STK40: variants seen among roughly 807,000 people sequenced by gnomAD.
STK40 encodes the protein serine/threonine-protein kinase 40.
A neutral mutation model predicts 47.9 loss-of-function variants in STK40; 13 were observed. The observed-to-expected ratio is 0.27, with a 90% CI of 0.18 to 0.43. The LOEUF is 0.43. STK40 is among the 20% of genes least tolerant of loss of function. The probability of loss-of-function intolerance (pLI) is 1.00; values close to 1 mark genes in which losing one functional copy is unlikely to be tolerated. For synonymous variants in STK40, 225 were observed against 243.2 expected, an observed-to-expected ratio of 0.93 and a Z score of 0.69; for missense variants, 460 against 595.1, an observed-to-expected ratio of 0.77 and a Z score of 2.36.
intron 5 of STK40, among the ~76,000 whole-genome samples, chr1:36,354,725 T>C (rs573693383): frequency 3.9e-5 from 6 of 152,230 alleles, no homozygotes; most frequent in Non-Finnish European, 7.4e-5. Context: ...AGACATTCCA[T>C]GGACAGGATG....
chr1:36,379,483 G>T (rs955489695), intron 1 of STK40, among the ~76,000 whole-genome samples: 1 of 150,076 alleles, frequency 6.7e-6, no homozygotes, highest in Non-Finnish European at 1.5e-5. Flanking sequence ...CTGGGTTCAC[G>T]CCATTCCCTG....
chr1:36,358,428 T>TTA (rs752236382), intron 3 of STK40, 46 bp from the exon 4 acceptor site: 7 of 1,566,810 alleles, frequency 4.5e-6, no homozygotes, highest in Non-Finnish European at 6.1e-6. Context: ...ACACCTCACT[T>TTA]TACACAGCAG....
At chr1:36,385,267 G>C (rs1297540669) in intron 1 of STK40, among the ~76,000 whole-genome samples, 2 of 152,238 alleles carry the variant, frequency 1.3e-5, no homozygotes, top group African/African-American at 4.8e-5. Flanking sequence ...TTCCCCAGCA[G>C]CGGTAGCGCC....
At chr1:36,371,025 T>A (rs1557521294) in intron 1 of STK40, among the ~76,000 whole-genome samples, 1 of 151,790 alleles carries the variant, frequency 6.6e-6, no homozygotes, top group Non-Finnish European at 1.5e-5. Flanking sequence ...TACACGTGCA[T>A]GCCACCATGC....
At chr1:36,345,985 A>ATTTTTTTTTTTTTTTTTTT (rs1383008702) in intron 7 of STK40, among the ~76,000 whole-genome samples, 1 of 9,808 alleles carries the variant, frequency 1.0e-4, no homozygotes, top group Non-Finnish European at 3.6e-4. Context: ...ATATATATAT[A>ATTTTTTTTTTTTTTTTTTT]TATATATTTT....
chr1:36,384,857 A>C (rs1647072044), intron 1 of STK40, among the ~76,000 whole-genome samples: 1 of 152,144 alleles, frequency 6.6e-6, no homozygotes, highest in Admixed American at 6.5e-5. Flanking sequence ...TCTCACGCAA[A>C]ACTACTCAAA....
chr1:36,357,121 G>A (rs1005464301), intron 4 of STK40, among the ~76,000 whole-genome samples: 11 of 152,214 alleles, frequency 7.2e-5, no homozygotes, highest in Non-Finnish European at 1.5e-4. Flanking sequence ...TGTTCCAGCA[G>A]CAGCTCAGTG....
rs754907463 is a variant in STK40, at chr1:36,343,376, A to G, written c.1077T>C (p.Asp359=). 2.5e-6 allele frequency: 4 copies of G among 1,612,936 alleles called. No homozygotes were observed. The Admixed American group carries it at 5.0e-5, about 20-fold the overall frequency. ...CTCCCCAACTCACCTCCTGGGAGCT[A>G]TCCGCATTGCTCATTTGGTCATCAA... ...PDIDDQMSNA[D]SSQEAKVTEE... is the part of the protein sequence containing the mutation. The change falls in exon 10 of 11, where the codon GAT becomes GAC. Residue 359 remains aspartate, a synonymous_variant. Transcript: ENST00000373132.
chr1:36,367,111 G>A (rs1646909598), intron 1 of STK40, among the ~76,000 whole-genome samples: 2 of 151,288 alleles, frequency 1.3e-5, no homozygotes, highest in Admixed American at 6.6e-5. Context: ...GCCTCCCAAA[G>A]TGCTGGGATT....
Position 36,373,328 on chromosome 1 carries a change from A to G in STK40, c.-8-11988T>C, listed in dbSNP as rs529491487. Among the ~76,000 whole-genome samples, 3 of 152,030 alleles carry G rather than the reference A, an allele frequency of 2.0e-5. No individual in the cohort carries two copies. In the South Asian group the frequency reaches 6.2e-4, roughly 32 times the overall value. On this transcript the variant is annotated intron_variant, in intron 1 of 10. Transcript: ENST00000373132. ...TTTTTTTCATTATCATTTGATGGGC[A>G]CCCACCGCTTGCCAGAAACCATTCC...
At chr1:36,380,696 G>T (rs1444024000) in intron 1 of STK40, among the ~76,000 whole-genome samples, 1 of 152,206 alleles carries the variant, frequency 6.6e-6, no homozygotes, top group Non-Finnish European at 1.5e-5. Context: ...CTATTGGAAG[G>T]CTGAAGATTT....
At chr1:36,357,593 C>G (rs1337248674) in intron 4 of STK40, among the ~76,000 whole-genome samples, 2 of 148,492 alleles carry the variant, frequency 1.3e-5, no homozygotes, top group Non-Finnish European at 3.0e-5. Context: ...GTAAATGTCT[C>G]AAAAAAAAAA....
In STK40 at chr1:36,341,186, T is replaced by C. The variant is rs1268730333; in HGVS notation, c.*569A>G. ...CACCTAGAGATGGGAGAGAAGTTGGTATGGTAAAAAAATAAATATATTTGA... is the reference window on the plus strand; with the variant it reads ...CACCTAGAGATGGGAGAGAAGTTGGCATGGTAAAAAAATAAATATATTTGA... On this transcript the variant is annotated 3_prime_UTR_variant, in exon 11 of 11. Transcript: ENST00000373132. The C allele has an allele frequency of 1.3e-5, 2 of 152,810 alleles. No homozygotes were observed. The highest frequency in any genetic ancestry group is 4.8e-5 in the African/African-American group (2 of 41,268). The allele number at this position is 152,810 out of a possible 1,614,324, so 9.5% of individuals were successfully genotyped here. A position where few individuals can be genotyped will look rare whatever the true frequency, so the allele number is the denominator to read the frequency against.
intron 1 of STK40, among the ~76,000 whole-genome samples, chr1:36,368,982 C>T (rs572622705): frequency 1.3e-5 from 2 of 152,306 alleles, no homozygotes; most frequent in African/African-American, 4.8e-5. Flanking sequence ...ATCCAGCCTG[C>T]TCGAATAGCT....
chr1:36,379,219 C>T (rs963212409), intron 1 of STK40, among the ~76,000 whole-genome samples: 4 of 152,140 alleles, frequency 2.6e-5, no homozygotes, highest in Admixed American at 6.5e-5. Context: ...TTAGAGGGGA[C>T]AGCTTTATTC....
At chr1:36,355,522 T>G (rs1483685310) in intron 4 of STK40, 89 bp from the exon 5 acceptor site, 1 of 1,367,758 alleles carries the variant, frequency 7.3e-7, no homozygotes, top group East Asian at 2.3e-5. Flanking sequence ...AGTGGGACAC[T>G]CAAACCAGTG....
intron 5 of STK40, 106 bp from the exon 6 acceptor site, chr1:36,354,522 T>G (rs958907621): frequency 4.1e-5 from 46 of 1,135,770 alleles, no homozygotes; most frequent in Non-Finnish European, 3.6e-5. Context: ...GCAGGAAAAA[T>G]TCTATGATGT....
intron 1 of STK40, among the ~76,000 whole-genome samples, chr1:36,370,354 C>T (rs1646934818): frequency 6.6e-6 from 1 of 152,206 alleles, no homozygotes; most frequent in South Asian, 2.1e-4. Flanking sequence ...CTGGCCTGTC[C>T]CTTCACACTG....
intron 3 of STK40, 36 bp downstream of exon 3, chr1:36,358,701 G>A: frequency 6.2e-7 from 1 of 1,609,798 alleles, no homozygotes. Context: ...GACAGGCCCT[G>A]TTCCTGAGGC....
Sources: allele counts gnomAD v4.1 joint callset (sites outside exome capture counted in the v4.1 genomes callset), GRCh38; gene constraint gnomAD v4.1.1; transcripts MANE v1.5; gene names NCBI Gene and HGNC (gene_info 2026-07-23, HGNC 2026-07-21).